The following EXOC2 variants were observed in gnomAD, a reference collection of about 807,000 sequenced individuals.
The protein encoded by EXOC2 is SEC5-like 1.
Under a neutral mutation model 131.8 loss-of-function variants are expected in EXOC2, and 70 were observed. The observed-to-expected ratio is 0.53, with a 90% CI of 0.44 to 0.65. The LOEUF is 0.65. Among genes scored for constraint, EXOC2 ranks in the 30% least tolerant of loss-of-function variants. EXOC2 has a pLI of 0.00. For synonymous variants in EXOC2, 411 were observed against 398.4 expected (o/e 1.03, Z -0.38); for missense variants, 923 against 1,108.6 (o/e 0.83, Z 2.38).
chr6:592,596 G>A lies in EXOC2; in HGVS notation c.1074-9C>T. 2 of 1,609,484 alleles carry A rather than the reference G, an allele frequency of 1.2e-6. No individual in the cohort carries two copies. The highest frequency in any genetic ancestry group is 1.7e-6 in the Non-Finnish European group (2 of 1,176,180). ...GAAGGTCAGACAGGTACCTGAAAAA[G>A]CAAGTCCAAGGTTGAGGCCAAAGGG... On this transcript the variant is annotated splice_polypyrimidine_tract_variant and intron_variant, in intron 10 of 27. Coordinates refer to ENST00000230449, the MANE Select transcript of EXOC2 (RefSeq NM_018303.6).
chr6:614,317 C>T (rs1412771222), intron 6 of EXOC2, among the ~76,000 whole-genome samples: 1 of 152,214 alleles, frequency 6.6e-6, no homozygotes, highest in Non-Finnish European at 1.5e-5. Flanking sequence ...CTACAGACTC[C>T]GGATCTGGAC....
At chr6:565,111 T>C (rs1355958001) in intron 13 of EXOC2, among the ~76,000 whole-genome samples, 182 bp from the exon 14 acceptor site, 2 of 152,228 alleles carry the variant, frequency 1.3e-5, no homozygotes, top group Admixed American at 1.3e-4. Context: ...CTTATCCCAA[T>C]GAGAAGTTAT....
chr6:507,839 T>C (rs1314074442), intron 23 of EXOC2, among the ~76,000 whole-genome samples: 2 of 152,238 alleles, frequency 1.3e-5, no homozygotes, highest in Non-Finnish European at 2.9e-5. Context: ...AGAAACCTCA[T>C]TAGAGAAGGT....
At chr6:626,282 G>T (rs1761562567) in intron 4 of EXOC2, among the ~76,000 whole-genome samples, 1 of 152,170 alleles carries the variant, frequency 6.6e-6, no homozygotes, top group Non-Finnish European at 1.5e-5. Context: ...GTCAAAGACA[G>T]CCAACAAATG....
At chr6:690,905 C>T (rs1054911605) in intron 1 of EXOC2, among the ~76,000 whole-genome samples, 4 of 152,214 alleles carry the variant, frequency 2.6e-5, no homozygotes, top group Admixed American at 6.5e-5. Context: ...CATCCTAGTA[C>T]ACCGCTTAGC....
intron 22 of EXOC2, among the ~76,000 whole-genome samples, chr6:535,951 T>C (rs1766420213): frequency 6.6e-6 from 1 of 152,154 alleles, no homozygotes; most frequent in African/African-American, 2.4e-5. Flanking sequence ...CATGCAGAAG[T>C]GGTATTTTTT....
At chr6:531,975 C>T (rs1240169064) in intron 23 of EXOC2, among the ~76,000 whole-genome samples, 12 of 152,206 alleles carry the variant, frequency 7.9e-5, no homozygotes, top group Admixed American at 7.2e-4. Context: ...TGAACTGTGT[C>T]ATTCATCCTT....
chr6:690,306 T>G (rs1764858646), intron 1 of EXOC2, among the ~76,000 whole-genome samples: 1 of 151,918 alleles, frequency 6.6e-6, no homozygotes, highest in South Asian at 2.1e-4. Flanking sequence ...CAGTGTGTTG[T>G]GACTGTGCCA....
rs535666409 is a variant in EXOC2, at chr6:683,524, TAAACAGGCATGCC to T, written c.-44+9482_-44+9494del. ...CCGCTGACAAATATAATAACTATGG[TAAACAGGCATGCC>T]AAAATCAATGCAGAGTTTCAGAAAA... On this transcript the variant is annotated intron_variant, in intron 1 of 27. Transcript: ENST00000230449. Among the ~76,000 whole-genome samples the T allele has an allele frequency of 1.1e-3, 160 of 152,310 alleles. 1 individual carries two copies. The highest frequency in any genetic ancestry group is 3.7e-3 in the African/African-American group (155 of 41,562).
At chr6:579,207 TA>T (rs1422906063) in intron 11 of EXOC2, among the ~76,000 whole-genome samples, 1 of 152,204 alleles carries the variant, frequency 6.6e-6, no homozygotes, top group African/African-American at 2.4e-5. Flanking sequence ...GTTTTCTCCT[TA>T]TAACTGGTAT....
intron 1 of EXOC2, among the ~76,000 whole-genome samples, chr6:682,940 A>T (rs1391265080): frequency 6.6e-6 from 1 of 152,212 alleles, no homozygotes; most frequent in Non-Finnish European, 1.5e-5. Context: ...ATCATTTTTT[A>T]AAAAGTGCCC....
intron 22 of EXOC2, among the ~76,000 whole-genome samples, chr6:542,414 G>A (rs1756609373): frequency 1.3e-5 from 2 of 152,136 alleles, no homozygotes; most frequent in African/African-American, 4.8e-5. Context: ...AGGACGGTAC[G>A]GTGCACCTTG....
intron 1 of EXOC2, among the ~76,000 whole-genome samples, chr6:683,352 G>C (rs929970559): frequency 2.7e-4 from 41 of 152,242 alleles, no homozygotes; most frequent in African/African-American, 9.6e-4. Context: ...GAATGAGAGA[G>C]GAACAAAATC....
intron 13 of EXOC2, among the ~76,000 whole-genome samples, chr6:565,879 G>A (rs557370261): frequency 6.6e-6 from 1 of 152,238 alleles, no homozygotes; most frequent in South Asian, 2.1e-4. Flanking sequence ...ACTGCGTGTA[G>A]GGTTAGTTTA....
At chr6:595,216 A>G (rs1759745888) in intron 10 of EXOC2, among the ~76,000 whole-genome samples, 1 of 152,064 alleles carries the variant, frequency 6.6e-6, no homozygotes, top group Admixed American at 6.5e-5. Flanking sequence ...AAGACAATAT[A>G]GTGGTAATCT....
intron 22 of EXOC2, among the ~76,000 whole-genome samples, chr6:547,149 C>T (rs1177683086): frequency 1.3e-5 from 2 of 152,210 alleles, no homozygotes; most frequent in African/African-American, 4.8e-5. Flanking sequence ...TAAAATCATT[C>T]TAGCTTCAAA....
intron 11 of EXOC2, among the ~76,000 whole-genome samples, chr6:580,190 C>T (rs892368124): frequency 2.0e-5 from 3 of 152,110 alleles, no homozygotes; most frequent in African/African-American, 4.8e-5. Flanking sequence ...TACAGGCATG[C>T]ACCACCATGC....
At chr6:537,367 C>T (rs1766522047) in intron 22 of EXOC2, among the ~76,000 whole-genome samples, 1 of 150,748 alleles carries the variant, frequency 6.6e-6, no homozygotes, top group African/African-American at 2.4e-5. Context: ...GGAGCGCACA[C>T]TCGAGTTGAT....
intron 26 of EXOC2, among the ~76,000 whole-genome samples, chr6:489,415 CCTT>C (rs746641929): frequency 1.3e-5 from 2 of 152,292 alleles, no homozygotes; most frequent in African/African-American, 2.4e-5. Flanking sequence ...ATGGGGATGA[CCTT>C]CTGAAAGATG....
Sources: allele counts gnomAD v4.1 joint callset (sites outside exome capture counted in the v4.1 genomes callset), GRCh38; gene constraint gnomAD v4.1.1; transcripts MANE v1.5; gene names NCBI Gene and HGNC (gene_info 2026-07-23, HGNC 2026-07-21).